The following KALRN variants were observed in gnomAD, a reference collection of about 807,000 sequenced individuals.
KALRN encodes the protein kalirin RhoGEF kinase, also known as kalirin.
Under a neutral mutation model 353.7 loss-of-function variants are expected in KALRN, and 70 were observed. That is an observed-to-expected ratio of 0.20 (90% CI 0.16 to 0.24). The LOEUF (loss-of-function observed/expected upper bound fraction) is 0.24, where lower values mean the gene tolerates loss of function less well. KALRN is among the 10% of genes least tolerant of loss of function. KALRN has a pLI of 1.00. For synonymous variants in KALRN, 1,391 were observed against 1,434.8 expected (o/e 0.97, Z 0.69); for missense variants, 2,791 against 3,756.7 (o/e 0.74, Z 6.72).
At chr3:124,401,771 T>C (rs766303795) in intron 13 of KALRN, among the ~76,000 whole-genome samples, 15 of 152,280 alleles carry the variant, frequency 9.9e-5, no homozygotes, top group Admixed American at 2.6e-4. Flanking sequence ...ATGCTACATC[T>C]AATCTTAGAA....
At chr3:124,160,571 G>T (rs990284827) in intron 1 of KALRN, among the ~76,000 whole-genome samples, 1 of 152,058 alleles carries the variant, frequency 6.6e-6, no homozygotes, top group African/African-American at 2.4e-5. Flanking sequence ...TAAGAAAATG[G>T]TCTTTTTTTT....
intron 33 of KALRN, among the ~76,000 whole-genome samples, chr3:124,531,214 T>A (rs991437017): frequency 5.3e-5 from 8 of 152,354 alleles, no homozygotes; most frequent in Non-Finnish European, 2.9e-5. Flanking sequence ...GGAAAAGCAA[T>A]TGAGTTATAT....
At position 124,722,733 on chromosome 3, in the gene KALRN, G is replaced by A. The variant is rs1477005820; in HGVS notation, c.*3263G>A. 1 of 152,182 alleles carries A rather than the reference G, an allele frequency of 6.6e-6. No individual in the cohort carries two copies. The highest frequency in any genetic ancestry group is 1.5e-5 in the Non-Finnish European group (1 of 68,036). 9.4% of individuals were successfully genotyped at this position (152,182 alleles called of 1,614,324 possible). A position where few individuals can be genotyped will look rare whatever the true frequency, so the allele number is the denominator to read the frequency against. On this transcript the variant is annotated 3_prime_UTR_variant, in exon 60 of 60. Coordinates refer to ENST00000682506, the MANE Select transcript of KALRN (RefSeq NM_001388419.1). Reference sequence around the variant, plus strand: ...ACTTGGTAGTAAAGAAGAGAGGAGAGAAGAGAAAATGGTCCATTTCTATCA... The same window carrying A: ...ACTTGGTAGTAAAGAAGAGAGGAGAAAAGAGAAAATGGTCCATTTCTATCA...
chr3:124,144,546 T>A lies in KALRN; in HGVS notation c.74-83444T>A, dbSNP rs564526080. 4.3e-4 allele frequency among the ~76,000 whole-genome samples: 66 copies of A among 151,922 alleles called. No homozygotes were observed. In the East Asian group the frequency reaches 0.013, roughly 29 times the overall value. ...CTCCTCTTCCTCGTCCTCCTCCTCT[T>A]CCTCATCATCCTCCTCCTCCTATTC... On this transcript the variant is annotated intron_variant, in intron 1 of 59. Coordinates refer to ENST00000682506, the MANE Select transcript of KALRN (RefSeq NM_001388419.1).
intron 10 of KALRN, among the ~76,000 whole-genome samples, chr3:124,376,959 A>G (rs559742554): frequency 3.3e-4 from 50 of 152,334 alleles, no homozygotes; most frequent in African/African-American, 1.1e-3. Flanking sequence ...CACAATTACA[A>G]TGTCATAATT....
chr3:124,551,470 C>T (rs1296374619), intron 33 of KALRN, among the ~76,000 whole-genome samples: 1 of 152,208 alleles, frequency 6.6e-6, no homozygotes, highest in Non-Finnish European at 1.5e-5. Flanking sequence ...GGTGCCAGCA[C>T]AGCTGGAGAT....
intron 14 of KALRN, among the ~76,000 whole-genome samples, chr3:124,420,984 A>G (rs2092754638): frequency 6.6e-6 from 1 of 152,190 alleles, no homozygotes; most frequent in Non-Finnish European, 1.5e-5. Flanking sequence ...ATGGAAGTAT[A>G]CTACCTTTTG....
At chr3:124,580,369 T>A (rs1413483536) in intron 34 of KALRN, among the ~76,000 whole-genome samples, 1 of 29,816 alleles carries the variant, frequency 3.4e-5, no homozygotes, top group Non-Finnish European at 6.6e-5. Context: ...TGTGTGGGGG[T>A]GGGTGGGGAG....
chr3:124,241,089 A>T (rs77385713), intron 3 of KALRN, among the ~76,000 whole-genome samples: 10,124 of 152,136 alleles, frequency 0.067, 963 homozygotes, highest in East Asian at 0.46. Context: ...CTCCAATTTG[A>T]CAAGCAGAAC....
intron 37 of KALRN, among the ~76,000 whole-genome samples, chr3:124,648,865 C>G (rs1195363052): frequency 1.3e-5 from 2 of 152,236 alleles, no homozygotes; most frequent in Non-Finnish European, 2.9e-5. Flanking sequence ...CAGACACTCT[C>G]ATTTCCTTAA....
chr3:124,102,262 C>G (rs1003121050), intron 1 of KALRN, among the ~76,000 whole-genome samples: 1 of 152,146 alleles, frequency 6.6e-6, no homozygotes, highest in Non-Finnish European at 1.5e-5. Context: ...AACACACACC[C>G]GTTTGAAACA....
chr3:124,587,675 T>C (rs2075331290), intron 34 of KALRN, among the ~76,000 whole-genome samples: 1 of 148,110 alleles, frequency 6.8e-6, no homozygotes, highest in African/African-American at 2.5e-5. Context: ...ATCTTGTATT[T>C]TTCCCTCCAC....
Position 124,585,132 on chromosome 3 carries a change from GC to G in KALRN, c.5182+22044del, listed in dbSNP as rs544048286. Among the ~76,000 whole-genome samples the G allele has an allele frequency of 1.1e-4, 16 of 152,376 alleles. No individual in the cohort carries two copies. The South Asian group carries it at 3.3e-3, about 32-fold the overall frequency. ...CTGGCGGTGAGGTTCTGACTTGGAT[GC>G]GGAGCTGCTGTTTGGGAACTCAGTC... On this transcript the variant is annotated intron_variant, in intron 34 of 59. Transcript: ENST00000682506.
chr3:124,248,135 C>T, intron 3 of KALRN, among the ~76,000 whole-genome samples: 1 of 152,224 alleles, frequency 6.6e-6, no homozygotes, highest in East Asian at 1.9e-4. Context: ...GGTGGTGAAC[C>T]TCTTGCAGGT....
chr3:124,457,780 T>C (rs2059464541), intron 23 of KALRN, among the ~76,000 whole-genome samples: 1 of 152,230 alleles, frequency 6.6e-6, no homozygotes, highest in Non-Finnish European at 1.5e-5. Flanking sequence ...TTGATTTCTT[T>C]CCATTATGTC....
rs73858592 is a variant in KALRN, at chr3:124,680,338, C to T, written c.7377+821C>T. On this transcript the variant is annotated intron_variant, in intron 51 of 59. Coordinates refer to ENST00000682506, the MANE Select transcript of KALRN (RefSeq NM_001388419.1). ...CTCCCAGTCTGTTGGGTTATAGAAA[C>T]GTGGCTCTTACGTGGCTTGCCACTG... Among the ~76,000 whole-genome samples the T allele has an allele frequency of 7.2e-3, 1,104 of 152,334 alleles. 13 individuals are homozygous for T. Among genetic ancestry groups the T allele is most frequent in the Middle Eastern group, 0.034 (10 of 294 alleles).
At chr3:124,552,024 G>A (rs958357170) in intron 33 of KALRN, among the ~76,000 whole-genome samples, 8 of 152,250 alleles carry the variant, frequency 5.3e-5, no homozygotes, top group Non-Finnish European at 1.0e-4. Context: ...GGATGATAAT[G>A]CCAACCTTAT....
chr3:124,590,529 C>T (rs538020318), intron 34 of KALRN, among the ~76,000 whole-genome samples: 38 of 152,180 alleles, frequency 2.5e-4, no homozygotes, highest in African/African-American at 8.4e-4. Flanking sequence ...CTGGGCATAC[C>T]TTCTGGAGTA....
intron 5 of KALRN, among the ~76,000 whole-genome samples, chr3:124,287,818 TATATATATG>T: frequency 7.5e-6 from 1 of 133,768 alleles, no homozygotes; most frequent in Admixed American, 7.6e-5. Context: ...TATATATATA[TATATATATG>T]TATATAATTT....
Sources: allele counts gnomAD v4.1 joint callset (sites outside exome capture counted in the v4.1 genomes callset), GRCh38; gene constraint gnomAD v4.1.1; transcripts MANE v1.5; gene names NCBI Gene and HGNC (gene_info 2026-07-23, HGNC 2026-07-21).